The following RECK variants were observed in gnomAD, a reference collection of about 807,000 sequenced individuals.
RECK encodes reversion-inducing cysteine-rich protein with Kazal motifs.
A neutral mutation model predicts 115.1 loss-of-function variants in RECK; 69 were observed. The observed-to-expected ratio is 0.60, with a 90% confidence interval of 0.49 to 0.73. The LOEUF (loss-of-function observed/expected upper bound fraction) is 0.73, where lower values mean the gene tolerates loss of function less well. Among genes scored for constraint, RECK ranks in the 30% least tolerant of loss-of-function variants. RECK has a pLI of 0.00. For synonymous variants in RECK, 414 were observed against 419.7 expected, an observed-to-expected ratio of 0.99 and a Z score of 0.17; for missense variants, 1,047 against 1,203.7, an observed-to-expected ratio of 0.87 and a Z score of 1.93.
At chr9:36,099,935 G>A (rs1823499416) in intron 10 of RECK, among the ~76,000 whole-genome samples, 1 of 152,156 alleles carries the variant, frequency 6.6e-6, no homozygotes, top group African/African-American at 2.4e-5. Context: ...ATGTGCTTAT[G>A]GATGTACATA....
At chr9:36,100,574 G>C (rs909206268) in intron 11 of RECK, 31 bp downstream of exon 11, 2 of 1,546,540 alleles carry the variant, frequency 1.3e-6, no homozygotes, top group Non-Finnish European at 1.8e-6. Flanking sequence ...CGATTCTCCA[G>C]CTTTAGTTCA....
chr9:36,123,132 T>C lies in RECK; in HGVS notation c.*87T>C, dbSNP rs7042392. On this transcript the variant is annotated 3_prime_UTR_variant, in exon 21 of 21. Coordinates refer to ENST00000377966, the MANE Select transcript of RECK (RefSeq NM_021111.3). ...AGGACTGCTGGTTTGTAGTTGAATATTGGCCAAGGAAAGGCACATGTCACC... is the reference window on the plus strand; with the variant it reads ...AGGACTGCTGGTTTGTAGTTGAATACTGGCCAAGGAAAGGCACATGTCACC... 12 of 1,088,304 alleles carry C rather than the reference T, an allele frequency of 1.1e-5. No individual in the cohort carries two copies. Among genetic ancestry groups the C allele is most frequent in the Middle Eastern group, 2.7e-4 (1 of 3,652 alleles). The allele number at this position is 1,088,304 out of a possible 1,614,324, so 67.4% of individuals were successfully genotyped here. A position where few individuals can be genotyped will look rare whatever the true frequency, so the allele number is the denominator to read the frequency against.
At chr9:36,096,782 A>G (rs1823357653) in intron 10 of RECK, among the ~76,000 whole-genome samples, 1 of 152,170 alleles carries the variant, frequency 6.6e-6, no homozygotes, top group Non-Finnish European at 1.5e-5. Context: ...AGGACACAAA[A>G]TATACAATTT....
At chr9:36,085,995 G>C (rs1462082278) in intron 8 of RECK, 2 of 151,776 alleles carry the variant, frequency 1.3e-5, no homozygotes, top group African/African-American at 4.8e-5. Flanking sequence ...AGGTTTTAAG[G>C]GTAGAACAAC....
At chr9:36,104,385 G>T (rs1376293725) in intron 12 of RECK, among the ~76,000 whole-genome samples, 20 of 105,146 alleles carry the variant, frequency 1.9e-4, no homozygotes, top group African/African-American at 6.9e-4. Context: ...TTACTCTGTT[G>T]CCCAGGCTGG....
intron 6 of RECK, among the ~76,000 whole-genome samples, chr9:36,071,278 G>A (rs62543609): frequency 0.042 from 6,444 of 152,224 alleles, 203 homozygotes; most frequent in Non-Finnish European, 0.059. Context: ...GTTGTTGATG[G>A]TTAATTTTCT....
chr9:36,041,771 C>CTTTT (rs35445082), intron 1 of RECK, among the ~76,000 whole-genome samples: 4 of 127,704 alleles, frequency 3.1e-5, no homozygotes, highest in Admixed American at 1.6e-4. Context: ...AATCAGCTTC[C>CTTTT]TTTTTTTTTT....
chr9:36,108,589 C>T (rs761538319), intron 14 of RECK, among the ~76,000 whole-genome samples: 4 of 152,112 alleles, frequency 2.6e-5, no homozygotes, highest in Admixed American at 6.6e-5. Flanking sequence ...AAATCCCTTA[C>T]GCTTCACAGG....
intron 17 of RECK, 95 bp from the exon 18 acceptor site, chr9:36,118,662 T>G (rs1211486430): frequency 2.5e-6 from 3 of 1,193,146 alleles, no homozygotes; most frequent in Non-Finnish European, 3.5e-6. Context: ...GTGTCTTTTT[T>G]CCTTCCTGAA....
Position 36,073,231 on chromosome 9 carries a change from GACACACACAGACACAC to G in RECK, c.406-7364_406-7349del, listed in dbSNP as rs1170947603. ...AAACAGCAACACACAGACACACACA[GACACACACAGACACAC>G]ACACACACACACACACACACACACA... On this transcript the variant is annotated intron_variant, in intron 6 of 20. Transcript: ENST00000377966. Among the ~76,000 whole-genome samples the G allele has an allele frequency of 9.3e-3, 880 of 94,978 alleles. 6 individuals are homozygous for G. The highest frequency in any genetic ancestry group is 0.033 in the African/African-American group (843 of 25,678). The allele number at this position is 94,978 out of a possible 152,430, so 62.3% of individuals were successfully genotyped here. A position where few individuals can be genotyped will look rare whatever the true frequency, so the allele number is the denominator to read the frequency against.
intron 17 of RECK, among the ~76,000 whole-genome samples, chr9:36,118,397 T>C (rs1200519846): frequency 6.6e-6 from 1 of 152,188 alleles, no homozygotes; most frequent in Non-Finnish European, 1.5e-5. Flanking sequence ...TGCATTTGCA[T>C]GAAGATTGAT....
At chr9:36,081,933 A>C (rs1248593486) in intron 7 of RECK, among the ~76,000 whole-genome samples, 3 of 152,118 alleles carry the variant, frequency 2.0e-5, no homozygotes, top group Non-Finnish European at 2.9e-5. Flanking sequence ...GAGGCGGTAC[A>C]GTAGGTATGG....
intron 16 of RECK, 55 bp downstream of exon 16, chr9:36,112,531 T>C (rs1824098257): frequency 6.5e-7 from 1 of 1,536,092 alleles, no homozygotes. Context: ...TTACAAAGCA[T>C]CTACCATATA....
intron 1 of RECK, among the ~76,000 whole-genome samples, chr9:36,042,653 G>T (rs936646352): frequency 4.6e-5 from 7 of 151,492 alleles, no homozygotes; most frequent in Non-Finnish European, 1.0e-4. Flanking sequence ...GTGTGCAAGT[G>T]TCTTTTTCAT....
intron 5 of RECK, 127 bp from the exon 6 acceptor site, chr9:36,065,450 C>T: frequency 1.6e-6 from 1 of 610,284 alleles, no homozygotes; most frequent in Non-Finnish European, 2.6e-6. Context: ...AATATTTGAA[C>T]ATAAGGTTTT....
At chr9:36,069,211 G>GTTTA (rs1822128711) in intron 6 of RECK, among the ~76,000 whole-genome samples, 1 of 152,090 alleles carries the variant, frequency 6.6e-6, no homozygotes, top group African/African-American at 2.4e-5. Context: ...AGACTAAAAT[G>GTTTA]TTTAATATGT....
At chr9:36,049,046 G>C (rs1182992281) in intron 1 of RECK, among the ~76,000 whole-genome samples, 1 of 152,052 alleles carries the variant, frequency 6.6e-6, no homozygotes, top group East Asian at 1.9e-4. Context: ...TTTAAATAAT[G>C]GTTTTAATAT....
At chr9:36,037,183 G>C (rs13300820) in intron 1 of RECK, 85 bp downstream of exon 1, 69 of 971,328 alleles carry the variant, frequency 7.1e-5, no homozygotes, top group Non-Finnish European at 8.8e-5. Context: ...GGGGGCGGGG[G>C]TGCGCGCGAC....
rs151192395 is a variant in RECK, at chr9:36,041,325, TAA to T, written c.100+4228_100+4229del. ...TTGAACAAGACTATAAGTGGAGTAT[TAA>T]GAGATGTGTTCTGACCATGAGATAA... On this transcript the variant is annotated intron_variant, in intron 1 of 20. Transcript: ENST00000377966. Among the ~76,000 whole-genome samples, 172 of 152,332 alleles carry T rather than the reference TAA, an allele frequency of 1.1e-3. 1 individual carries two copies. The East Asian group carries it at 0.021, about 18-fold the overall frequency.
Sources: allele counts gnomAD v4.1 joint callset (sites outside exome capture counted in the v4.1 genomes callset), GRCh38; gene constraint gnomAD v4.1.1; transcripts MANE v1.5; gene names NCBI Gene and HGNC (gene_info 2026-07-23, HGNC 2026-07-21).